Variants in TOMM20 observed in about 807,000 individuals in gnomAD.
The protein encoded by TOMM20 is mitochondrial import receptor subunit TOM20 homolog.
TOMM20 carries 10 observed loss-of-function variants against 22.1 expected under a neutral mutation model. The ratio of observed to expected loss-of-function variants is 0.45; its 90% CI spans 0.28 to 0.77. The LOEUF is 0.77. Ranked by LOEUF, TOMM20 falls within the 30% of genes least tolerant of loss-of-function variation. The pLI, the probability that TOMM20 is intolerant of heterozygous loss-of-function variation, is 0.13. For missense variants in TOMM20, 121 were observed against 172.2 expected (o/e 0.70, Z 1.66); for synonymous variants, 55 against 61.4 (o/e 0.90, Z 0.49).
At chr1:235,118,392 G>A (rs890598734) in intron 3 of TOMM20, among the ~76,000 whole-genome samples, 1 of 152,226 alleles carries the variant, frequency 6.6e-6, no homozygotes, top group Non-Finnish European at 1.5e-5. Flanking sequence ...CACTGAGGGG[G>A]AATGCTTTCC....
Position 235,111,856 on chromosome 1 carries a change from A to G in TOMM20, c.*208T>C, listed in dbSNP as rs1660743511. On this transcript the variant is annotated 3_prime_UTR_variant, in exon 5 of 5. Coordinates refer to ENST00000366607, the MANE Select transcript of TOMM20 (RefSeq NM_014765.3). The stretch of plus-strand genomic sequence containing the variant: ...TTAGTAACTCATAGTGTATTTATAG[A>G]ATGAAAAGTTCTCTATCAAAATACA... The G allele has an allele frequency of 1.8e-6, 1 of 543,194 alleles. No homozygotes were observed. Among genetic ancestry groups the G allele is most frequent in the African/African-American group, 1.9e-5 (1 of 51,470 alleles). The allele number at this position is 543,194 out of a possible 1,614,324, so 33.6% of individuals were successfully genotyped here. A position where few individuals can be genotyped will look rare whatever the true frequency, so the allele number is the denominator to read the frequency against.
chr1:235,127,644 C>T (rs1241773375), intron 1 of TOMM20, among the ~76,000 whole-genome samples: 1 of 152,152 alleles, frequency 6.6e-6, no homozygotes, highest in Non-Finnish European at 1.5e-5. Context: ...AATTTTAATT[C>T]CAAAAACTAA....
chr1:235,127,942 G>A, intron 1 of TOMM20: 1 of 517,558 alleles, frequency 1.9e-6, no homozygotes, highest in Non-Finnish European at 3.9e-6. Context: ...ATGCAGCAAT[G>A]AGCCAGGCGG....
rs1220964697 is a variant in TOMM20 at position 235,109,710 on chromosome 1, G to A, written c.*2354C>T. 6.6e-6 allele frequency: 1 copy of A among 152,296 alleles called. No homozygotes were observed. The highest frequency in any genetic ancestry group is 1.5e-5 in the Non-Finnish European group (1 of 68,016). 9.4% of individuals were successfully genotyped at this position (152,296 alleles called of 1,614,324 possible). A position where few individuals can be genotyped will look rare whatever the true frequency, so the allele number is the denominator to read the frequency against. On this transcript the variant is annotated 3_prime_UTR_variant, in exon 5 of 5. Coordinates refer to ENST00000366607, the MANE Select transcript of TOMM20 (RefSeq NM_014765.3). ...AAGTCTATGTTTTCAATGTTCTTTC[G>A]CTTTTAAGTACAAATTGTGGAACAA... is the stretch of plus-strand genomic sequence containing the variant.
intron 1 of TOMM20, among the ~76,000 whole-genome samples, chr1:235,125,996 T>C (rs1308239952): frequency 6.6e-6 from 1 of 151,760 alleles, no homozygotes; most frequent in Non-Finnish European, 1.5e-5. Flanking sequence ...GACCTCATGA[T>C]CTTCCCACCT....
At chr1:235,118,605 G>C (rs555199428) in intron 3 of TOMM20, among the ~76,000 whole-genome samples, 18 of 152,308 alleles carry the variant, frequency 1.2e-4, no homozygotes, top group African/African-American at 4.3e-4. Context: ...CAGCTCACTA[G>C]AGCCTCAAAC....
rs897422436 is a variant in TOMM20, at chr1:235,111,070, T to G, written c.*994A>C. The G allele has an allele frequency of 7.9e-5, 12 of 152,322 alleles. No individual in the cohort carries two copies. Among genetic ancestry groups the G allele is most frequent in the African/African-American group, 2.9e-4 (12 of 41,554 alleles). The allele number at this position is 152,322 out of a possible 1,614,324, so 9.4% of individuals were successfully genotyped here. ...TTACAAGCAGATCATCCCAGTTACC[T>G]TAAAAGTTTCGGATTAATTTACAGA... On this transcript the variant is annotated 3_prime_UTR_variant, in exon 5 of 5. Transcript: ENST00000366607.
At position 235,109,393 on chromosome 1, in the gene TOMM20, T is replaced by A; in HGVS notation, c.*2671A>T. The A allele has an allele frequency of 6.6e-6, 1 of 152,222 alleles. No homozygotes were observed. Among genetic ancestry groups the A allele is most frequent in the Non-Finnish European group, 1.5e-5 (1 of 68,030 alleles). 9.4% of individuals were successfully genotyped at this position (152,222 alleles called of 1,614,324 possible). On this transcript the variant is annotated 3_prime_UTR_variant, in exon 5 of 5. Coordinates refer to ENST00000366607, the MANE Select transcript of TOMM20 (RefSeq NM_014765.3). ...TAAACAGTTGAGGCACAAGCAATAA[T>A]AAAACTGCATTTTTTACGTTACAAA...
chr1:235,126,979 G>GA lies in TOMM20; in HGVS notation c.121+1615dup, dbSNP rs372373273. On this transcript the variant is annotated intron_variant, in intron 1 of 4. Coordinates refer to ENST00000366607, the MANE Select transcript of TOMM20 (RefSeq NM_014765.3). ...AATCATTAGGTTGCCGCTAAATCCA[G>GA]AAAAAACAATTTTAGATTGAAAATG... Among the ~76,000 whole-genome samples, 506 of 152,278 alleles carry GA rather than the reference G, an allele frequency of 3.3e-3. 5 individuals carry two copies. The highest frequency in any genetic ancestry group is 0.012 in the African/African-American group (484 of 41,550).
chr1:235,125,561 G>A (rs1301345459), intron 1 of TOMM20, among the ~76,000 whole-genome samples: 1 of 151,944 alleles, frequency 6.6e-6, no homozygotes, highest in Non-Finnish European at 1.5e-5. Flanking sequence ...TGAGCTACAT[G>A]CCTTATGTGA....
chr1:235,125,315 C>T (rs970765329), intron 1 of TOMM20, among the ~76,000 whole-genome samples: 3 of 152,124 alleles, frequency 2.0e-5, no homozygotes, highest in East Asian at 3.9e-4. Context: ...CCCGAGTTCA[C>T]GCCATTCTCC....
At chr1:235,122,210 G>A (rs1572130586) in intron 2 of TOMM20, 116 bp downstream of exon 2, 2 of 827,606 alleles carry the variant, frequency 2.4e-6, no homozygotes, top group Admixed American at 3.3e-5. Context: ...AAATAAAAAA[G>A]CAATGTCCAG....
intron 1 of TOMM20, among the ~76,000 whole-genome samples, chr1:235,123,187 A>T (rs1171307737): frequency 1.3e-5 from 2 of 152,198 alleles, no homozygotes; most frequent in Non-Finnish European, 2.9e-5. Flanking sequence ...GCTTCAATGC[A>T]TGACTAAAGA....
At position 235,110,619 on chromosome 1, in the gene TOMM20, G is replaced by T. The variant is rs1387192616; in HGVS notation, c.*1445C>A. ...TAAGTTCAAAGATGAAATGTGATTT[G>T]TTCAAGGCTGTGCGGCTAATCAGAG... On this transcript the variant is annotated 3_prime_UTR_variant, in exon 5 of 5. Coordinates refer to ENST00000366607, the MANE Select transcript of TOMM20 (RefSeq NM_014765.3). The T allele has an allele frequency of 1.3e-5, 2 of 152,152 alleles. No individual in the cohort carries two copies. Among genetic ancestry groups the T allele is most frequent in the Non-Finnish European group, 2.9e-5 (2 of 68,044 alleles). The allele number at this position is 152,152 out of a possible 1,614,324, so 9.4% of individuals were successfully genotyped here.
At chr1:235,123,229 T>C (rs1660956608) in intron 1 of TOMM20, among the ~76,000 whole-genome samples, 1 of 152,140 alleles carries the variant, frequency 6.6e-6, no homozygotes, top group African/African-American at 2.4e-5. Flanking sequence ...GGCTCATGCT[T>C]TAATCCCAGC....
In TOMM20 at chr1:235,113,852, T is replaced by C. The variant is rs139892328; in HGVS notation, c.309A>G (p.Pro103=). ...LTNAIAVCGQ[P]QQLLQVLQQT... is the part of the protein sequence containing the mutation. ...GCTGTAAGACCTGCAGTAACTGCTG[T>C]GGCTGTCCACACACAGCAATTGCAT... The change falls in exon 4 of 5, where the codon CCA becomes CCG. Residue 103 remains proline (P), a synonymous_variant. Transcript: ENST00000366607. The C allele has an allele frequency of 8.1e-6, 13 of 1,613,874 alleles. No individual in the cohort carries two copies. The African/African-American group carries it at 1.7e-4, about 22-fold the overall frequency.
intron 1 of TOMM20, among the ~76,000 whole-genome samples, chr1:235,124,145 A>G (rs111704418): frequency 0.17 from 25,747 of 152,234 alleles, 2,438 homozygotes; most frequent in Middle Eastern, 0.25. Context: ...TCAGGAGTTC[A>G]AGACCAGCCT....
At chr1:235,121,751 A>G (rs948540132) in intron 2 of TOMM20, among the ~76,000 whole-genome samples, 21 of 152,374 alleles carry the variant, frequency 1.4e-4, no homozygotes, top group African/African-American at 5.0e-4. Flanking sequence ...CACACGCCAC[A>G]GAACATTTTT....
intron 1 of TOMM20, chr1:235,128,002 C>G (rs1358331298): frequency 2.3e-6 from 1 of 443,506 alleles, no homozygotes; most frequent in Non-Finnish European, 4.5e-6. Flanking sequence ...ACGGTGAAAC[C>G]CCGTCTCTAC....
Sources: allele counts gnomAD v4.1 joint callset (sites outside exome capture counted in the v4.1 genomes callset), GRCh38; gene constraint gnomAD v4.1.1; transcripts MANE v1.5; gene names NCBI Gene and HGNC (gene_info 2026-07-23, HGNC 2026-07-21).